Variants in PEX6 observed in about 807,000 individuals in gnomAD.
The protein encoded by PEX6 is peroxisomal biogenesis factor 6, also known as peroxisome biogenesis factor 6.
A neutral mutation model predicts 85.6 loss-of-function variants in PEX6; 55 were observed. That is an observed-to-expected ratio of 0.64 (90% CI 0.52 to 0.80). The LOEUF is 0.80. PEX6 is among the 30% of genes least tolerant of loss of function. The probability of loss-of-function intolerance (pLI) is 0.00; values close to 1 mark genes in which losing one functional copy is unlikely to be tolerated. For synonymous variants in PEX6, 519 were observed against 549.1 expected (o/e 0.95, Z 0.77); for missense variants, 1,099 against 1,260.3 (o/e 0.87, Z 1.94).
rs569045947 is a variant in PEX6, at chr6:42,970,544, G to C, written c.1131-557C>G. Among the ~76,000 whole-genome samples the C allele has an allele frequency of 1.5e-3, 229 of 152,324 alleles. 1 individual carries two copies. The highest frequency in any genetic ancestry group is 5.2e-3 in the African/African-American group (217 of 41,576). Reference sequence around the variant, plus strand: ...ACATATTATATGATTCTATTCAGCAGATCAGCAGTTGCCATTGCCTATGAG... The same window carrying C: ...ACATATTATATGATTCTATTCAGCACATCAGCAGTTGCCATTGCCTATGAG... On this transcript the variant is annotated intron_variant, in intron 3 of 16. Transcript: ENST00000304611.
chr6:42,969,823 T>C, intron 4 of PEX6, 22 bp from the exon 5 acceptor site: 3 of 1,614,030 alleles, frequency 1.9e-6, no homozygotes, highest in Non-Finnish European at 2.5e-6. Context: ...AATAAAAAGC[T>C]TTCGTTTCTA....
Position 42,966,373 on chromosome 6 carries a change from G to A in PEX6, c.2169C>T (p.Leu723=). The change falls in exon 11 of 17, where the codon CTC becomes CTT. Residue 723 remains leucine, a synonymous_variant. Transcript: ENST00000304611. ...TCAGTAGCTCAGGGTGCTCCAGGGG[G>A]AGCTGAATGGTCTCCAGGATCTCCT... ...VKKEILETIQ[L]PLEHPELLSL... The A allele has an allele frequency of 6.2e-7, 1 of 1,614,068 alleles. No homozygotes were observed. The highest frequency in any genetic ancestry group is 8.5e-7 in the Non-Finnish European group (1 of 1,179,996).
chr6:42,977,358 T>C (rs930044868), intron 1 of PEX6, among the ~76,000 whole-genome samples: 20 of 149,540 alleles, frequency 1.3e-4, no homozygotes, highest in Middle Eastern at 3.4e-3. Flanking sequence ...GTTCAAACAA[T>C]TCTCCTGCCT....
At chr6:42,966,994 C>T (rs1252694441) in intron 8 of PEX6, 136 bp from the exon 9 acceptor site, 46 of 611,676 alleles carry the variant, frequency 7.5e-5, no homozygotes, top group South Asian at 3.8e-4. Context: ...TTTTTTGAGA[C>T]GGAGTTTTGC....
chr6:42,965,777 G>A lies in PEX6; in HGVS notation c.2375C>T (p.Ala792Val), dbSNP rs560241518. The change falls in exon 13 of 17, where the codon GCC (alanine) becomes GTC (valine). Residue 792 changes from alanine (A) to valine (V), a missense_variant. Transcript: ENST00000304611. The surrounding 1 kb of genome is among the most constrained non-coding windows in gnomAD (Gnocchi z 5.0). ...EENVREVFAR[A>V]RAAAPCIIFF... ...GATAATGCATGGAGCTGCAGCCCTGGCCCTGGCAAACACTGAAGAGAGAGA... is the reference window on the plus strand; with the variant it reads ...GATAATGCATGGAGCTGCAGCCCTGACCCTGGCAAACACTGAAGAGAGAGA... 2.5e-6 allele frequency: 4 copies of A among 1,613,894 alleles called. No individual in the cohort carries two copies. In the South Asian group the frequency reaches 4.4e-5, roughly 18 times the overall value.
At chr6:42,969,591 T>C (rs190525991) in intron 5 of PEX6, 77 bp downstream of exon 5, 1 of 1,572,700 alleles carries the variant, frequency 6.4e-7, no homozygotes, top group African/African-American at 1.3e-5. Context: ...CATTAGGAAC[T>C]ACCCATCTGG....
At chr6:42,967,911 G>A (rs1251047830) in intron 7 of PEX6, among the ~76,000 whole-genome samples, 9 of 151,572 alleles carry the variant, frequency 5.9e-5, no homozygotes, top group African/African-American at 2.2e-4. Context: ...AGGACTGAAA[G>A]GCTGAAAAGT....
At chr6:42,973,673 C>A (rs187350047) in intron 3 of PEX6, among the ~76,000 whole-genome samples, 11 of 152,132 alleles carry the variant, frequency 7.2e-5, no homozygotes, top group African/African-American at 2.4e-4. Context: ...GTCAACATGG[C>A]GAAACCCTAT....
In PEX6 at chr6:42,978,964, C is replaced by A. The variant is rs958375823; in HGVS notation, c.187G>T (p.Gly63Cys). 1 of 1,497,438 alleles carries A rather than the reference C, an allele frequency of 6.7e-7. No individual in the cohort carries two copies. Among genetic ancestry groups the A allele is most frequent in the East Asian group, 2.7e-5 (1 of 36,526 alleles). The allele number at this position is 1,497,438 out of a possible 1,614,324, so 92.8% of individuals were successfully genotyped here. The change falls in exon 1 of 17, where the codon GGC becomes TGC. Residue 63 changes from glycine (G) to cysteine (C), a missense_variant. Coordinates refer to ENST00000304611, the MANE Select transcript of PEX6 (RefSeq NM_000287.4). ...LVAALEGPDA[G>C]TEEQGPGPPQ... ...GGCCCGGGACCCTGCTCTTCGGTGC[C>A]CGCGTCCGGCCCCTCCAGGGCTGCC...
Position 42,978,957 on chromosome 6 carries a change from T to G in PEX6, c.194A>C (p.Glu65Ala). 2.0e-6 allele frequency: 3 copies of G among 1,497,396 alleles called. No individual in the cohort carries two copies. Among genetic ancestry groups the G allele is most frequent in the Non-Finnish European group, 2.7e-6 (3 of 1,131,906 alleles). 92.8% of individuals were successfully genotyped at this position (1,497,396 alleles called of 1,614,324 possible). A position where few individuals can be genotyped will look rare whatever the true frequency, so the allele number is the denominator to read the frequency against. Residue 65 changes from glutamate (E) to alanine (A), a missense_variant, in exon 1 of 17, where the codon GAA becomes GCA. Glu to Ala is a moderately radical substitution (Grantham distance 107, BLOSUM62 -1). Coordinates refer to ENST00000304611, the MANE Select transcript of PEX6 (RefSeq NM_000287.4). ...CTGCGGCGGCCCGGGACCCTGCTCT[T>G]CGGTGCCCGCGTCCGGCCCCTCCAG... ...AALEGPDAGT[E>A]EQGPGPPQLL... is the part of the protein sequence containing the mutation.
At chr6:42,969,586 G>A (rs1769985097) in intron 5 of PEX6, 82 bp downstream of exon 5, 1 of 1,549,296 alleles carries the variant, frequency 6.5e-7, no homozygotes, top group South Asian at 1.1e-5. Context: ...CAGTTCATTA[G>A]GAACTACCCA....
rs375134488 is a variant in PEX6 at position 42,969,975 on chromosome 6, C to T, written c.1143G>A (p.Met381Ile). 1.9e-6 allele frequency: 3 copies of T among 1,614,062 alleles called. No homozygotes were observed. Among genetic ancestry groups the T allele is most frequent in the Non-Finnish European group, 2.5e-6 (3 of 1,180,014 alleles). The change falls in exon 4 of 17, where the codon ATG becomes ATA. Residue 381 changes from methionine (M) to isoleucine (I), a missense_variant. This residue lies in a region of PEX6 where 579 missense variants were observed against 611.6 expected (regional missense o/e 0.95). Coordinates refer to ENST00000304611, the MANE Select transcript of PEX6 (RefSeq NM_000287.4). ...SPEKLPRWRE[M>I]FFKVKKTVGE... ...CAACTGTTTTCTTCACTTTAAAAAA[C>T]ATTTCCCGCCACCTGCAGGAAAAAG...
chr6:42,973,960 C>A (rs968406371), intron 3 of PEX6, 43 bp downstream of exon 3: 4 of 1,344,082 alleles, frequency 3.0e-6, no homozygotes, highest in Non-Finnish European at 4.3e-6. Flanking sequence ...CTCATGCACC[C>A]AGGTTACAAA....
chr6:42,968,755 G>A (rs577199255), intron 6 of PEX6, 119 bp downstream of exon 6: 5 of 854,814 alleles, frequency 5.8e-6, no homozygotes, highest in Non-Finnish European at 1.0e-5. Context: ...TGACCCACTG[G>A]GCTGAAGTGC....
At chr6:42,975,166 G>A in intron 1 of PEX6, 128 bp from the exon 2 acceptor site, 1 of 829,034 alleles carries the variant, frequency 1.2e-6, no homozygotes, top group South Asian at 1.4e-5. Context: ...TGGAAGGTGG[G>A]GCCTGAGGTA....
chr6:42,973,422 A>C (rs1286857197), intron 3 of PEX6, among the ~76,000 whole-genome samples: 1 of 151,924 alleles, frequency 6.6e-6, no homozygotes, highest in Non-Finnish European at 1.5e-5. Flanking sequence ...TTTTTGAGAC[A>C]GTGTCTAGCT....
intron 1 of PEX6, among the ~76,000 whole-genome samples, chr6:42,977,768 C>CAAAAAAAAAAAAAAA (rs200706906): frequency 3.9e-5 from 2 of 51,698 alleles, no homozygotes; most frequent in Non-Finnish European, 6.8e-5. Flanking sequence ...GACCCCATCT[C>CAAAAAAAAAAAAAAA]AAAAAAAAAA....
At chr6:42,968,653 C>A (rs953300973) in intron 6 of PEX6, among the ~76,000 whole-genome samples, 155 bp from the exon 7 acceptor site, 3 of 152,132 alleles carry the variant, frequency 2.0e-5, no homozygotes, top group Admixed American at 6.5e-5. Context: ...TCTTTTTTAC[C>A]CTATCCCATT....
rs1336390425 is a variant in PEX6 at position 42,968,573 on chromosome 6, G to A, written c.1480-75C>T. On this transcript the variant is annotated intron_variant, in intron 6 of 16. Transcript: ENST00000304611. ...GGGCAGGAGAATCAGGGGAGGAGGA[G>A]GTGGAAGATGTGGGCCATCTTTTTC... is the stretch of plus-strand genomic sequence containing the variant. The A allele has an allele frequency of 6.8e-6, 9 of 1,325,508 alleles. No individual in the cohort carries two copies. The Admixed American group carries it at 1.8e-4, about 27-fold the overall frequency. 82.1% of individuals were successfully genotyped at this position (1,325,508 alleles called of 1,614,324 possible).
Sources: allele counts gnomAD v4.1 joint callset (sites outside exome capture counted in the v4.1 genomes callset), GRCh38; gene constraint gnomAD v4.1.1; regional missense constraint gnomAD v4.1.1; non-coding constraint Gnocchi (gnomAD v3.1); transcripts MANE v1.5; gene names NCBI Gene and HGNC (gene_info 2026-07-23, HGNC 2026-07-21).